AOPEP: variants seen among roughly 807,000 people sequenced by gnomAD.
AOPEP encodes the protein aminopeptidase O (putative).
AOPEP carries 77 observed loss-of-function variants against 98.1 expected under a neutral mutation model. The observed-to-expected ratio is 0.78, with a 90% CI of 0.65 to 0.95. AOPEP has a LOEUF of 0.95. AOPEP is among the 40% of genes least tolerant of loss of function. The pLI, the probability that AOPEP is intolerant of heterozygous loss-of-function variation, is 0.00. For synonymous variants in AOPEP, 346 were observed against 365.3 expected (o/e 0.95, Z 0.60); for missense variants, 1,024 against 1,024.7 (o/e 1.00, Z 0.01).
intron 5 of AOPEP, among the ~76,000 whole-genome samples, chr9:94,858,858 G>C (rs1484937439): frequency 6.6e-6 from 1 of 152,028 alleles, no homozygotes; most frequent in Non-Finnish European, 1.5e-5. Context: ...AGACCCGCCT[G>C]GCCAACATGG....
chr9:94,873,993 A>T (rs1446841637), intron 5 of AOPEP, among the ~76,000 whole-genome samples: 1 of 152,204 alleles, frequency 6.6e-6, no homozygotes, highest in Non-Finnish European at 1.5e-5. Flanking sequence ...GGATGTATAC[A>T]CACAAAAAAG....
intron 11 of AOPEP, among the ~76,000 whole-genome samples, chr9:94,982,657 C>T (rs533075170): frequency 3.6e-4 from 54 of 150,988 alleles, no homozygotes; most frequent in Non-Finnish European, 7.1e-4. Flanking sequence ...CAGCCTACAC[C>T]TCCCGGGCTG....
intron 3 of AOPEP, among the ~76,000 whole-genome samples, chr9:94,781,263 TA>T (rs1843178568): frequency 6.6e-6 from 1 of 152,190 alleles, no homozygotes; most frequent in South Asian, 2.1e-4. Context: ...AAAATATAGC[TA>T]AACTATTGAG....
intron 3 of AOPEP, among the ~76,000 whole-genome samples, chr9:94,790,260 A>G (rs1229739096): frequency 1.4e-5 from 2 of 143,304 alleles, no homozygotes; most frequent in South Asian, 2.3e-4. Flanking sequence ...TCTGCCTCCC[A>G]GGTTCAAGCT....
At chr9:94,899,276 C>G (rs188121928) in intron 5 of AOPEP, among the ~76,000 whole-genome samples, 2,427 of 143,414 alleles carry the variant, frequency 0.017, 81 homozygotes, top group African/African-American at 0.059. Flanking sequence ...GCTCCGCCTC[C>G]TGGGTTCACG....
At chr9:95,009,713 T>C (rs1564517792) in intron 13 of AOPEP, among the ~76,000 whole-genome samples, 1 of 152,188 alleles carries the variant, frequency 6.6e-6, no homozygotes, top group Admixed American at 6.5e-5. Flanking sequence ...AACAGCGCAC[T>C]TCAATGTTAC....
chr9:95,085,096 A>C (rs1277728044), intron 16 of AOPEP: 1 of 377,802 alleles, frequency 2.6e-6, no homozygotes, highest in Non-Finnish European at 5.4e-6. Flanking sequence ...CTAAACGAAC[A>C]ACAAACAGAA....
the AOPEP span, among the ~76,000 whole-genome samples, chr9:95,137,589 G>A: frequency 6.6e-6 from 1 of 152,182 alleles, no homozygotes; most frequent in Non-Finnish European, 1.5e-5. Context: ...ATTTCTGGAG[G>A]ATTTACTAAG....
At chr9:94,974,326 G>A (rs1005970386) in intron 10 of AOPEP, among the ~76,000 whole-genome samples, 2 of 152,176 alleles carry the variant, frequency 1.3e-5, no homozygotes, top group African/African-American at 4.8e-5. Context: ...GATACTGGAA[G>A]TTTAGAAATC....
chr9:94,920,772 G>T (rs79839943), intron 5 of AOPEP, among the ~76,000 whole-genome samples: 1,593 of 152,308 alleles, frequency 0.01, 34 homozygotes, highest in African/African-American at 0.036. Context: ...ACAGCCTTGA[G>T]AAAGTGTTTT....
At chr9:95,110,869 C>G in the AOPEP span, 2 of 1,198,972 alleles carry the variant, frequency 1.7e-6, no homozygotes, top group Non-Finnish European at 2.1e-6. Context: ...CTGTCTTTGC[C>G]ACAGACAGTT....
chr9:95,141,865 G>C, the AOPEP span, among the ~76,000 whole-genome samples: 1 of 151,780 alleles, frequency 6.6e-6, no homozygotes, highest in Admixed American at 6.6e-5. Context: ...TCTGGTTTTA[G>C]TTCAGTGATT....
At chr9:94,788,409 A>C (rs1844913678) in intron 3 of AOPEP, among the ~76,000 whole-genome samples, 1 of 151,910 alleles carries the variant, frequency 6.6e-6, no homozygotes, top group Non-Finnish European at 1.5e-5. Context: ...TTAAGAGCTA[A>C]GCCTTGTAGC....
chr9:95,101,454 G>A, the AOPEP span: 2 of 550,424 alleles, frequency 3.6e-6, no homozygotes, highest in Non-Finnish European at 6.6e-6. Context: ...CGGTCTGGCC[G>A]GGCGGGCACC....
the AOPEP span, among the ~76,000 whole-genome samples, chr9:95,117,912 G>C: frequency 3.9e-5 from 6 of 152,158 alleles, no homozygotes; most frequent in Admixed American, 1.3e-4. Flanking sequence ...AGTAGAGACA[G>C]AGTTTCTCCA....
intron 9 of AOPEP, among the ~76,000 whole-genome samples, chr9:94,962,412 C>T (rs769009331): frequency 3.9e-5 from 6 of 152,192 alleles, no homozygotes; most frequent in Non-Finnish European, 8.8e-5. Context: ...TTCACCAGTA[C>T]TGCTACTGCT....
chr9:94,961,570 G>A (rs575595609), intron 9 of AOPEP, among the ~76,000 whole-genome samples: 78 of 152,100 alleles, frequency 5.1e-4, no homozygotes, highest in African/African-American at 9.6e-4. Context: ...TTTCCTTGAC[G>A]TTTCTATTAG....
intron 13 of AOPEP, chr9:95,006,249 A>G: frequency 2.9e-6 from 1 of 345,538 alleles, no homozygotes; most frequent in Non-Finnish European, 5.9e-6. Context: ...TGACTTGCGG[A>G]AAACTCGTAA....
rs547209615 is a variant in AOPEP, at chr9:94,924,726, A to G, written c.1554+551A>G. Among the ~76,000 whole-genome samples, 10 of 152,336 alleles carry G rather than the reference A, an allele frequency of 6.6e-5. No homozygotes were observed. In the South Asian group the frequency reaches 1.9e-3, roughly 28 times the overall value. ...GAACTGTGGCAAACTGACAGCAGCT[A>G]CTCAGCTCTAACCAATTGTCATGGT... On this transcript the variant is annotated intron_variant, in intron 6 of 16. Coordinates refer to ENST00000375315, the MANE Select transcript of AOPEP (RefSeq NM_001193329.3).
Sources: gnomAD v4.1 joint callset for allele counts (sites outside exome capture counted in the v4.1 genomes callset) on GRCh38, gnomAD v4.1.1 for gene constraint, MANE v1.5 for transcripts, NCBI Gene and HGNC (gene_info 2026-07-23, HGNC 2026-07-21) for gene names.